The following KCNQ2 variants were observed in gnomAD, a reference collection of about 807,000 sequenced individuals.
KCNQ2 encodes potassium voltage-gated channel subfamily KQT member 2.
In KCNQ2, 14 loss-of-function variants were observed where a neutral mutation model predicts 84.8. The ratio of observed to expected loss-of-function variants is 0.17; its 90% CI spans 0.11 to 0.26. The LOEUF (loss-of-function observed/expected upper bound fraction) is 0.26, where lower values mean the gene tolerates loss of function less well. Ranked by LOEUF, KCNQ2 falls within the 10% of genes least tolerant of loss-of-function variation. The pLI is 1.00. For missense variants in KCNQ2, 788 were observed against 1,254.0 expected (o/e 0.63, Z 5.61); for synonymous variants, 599 against 554.1 (o/e 1.08, Z -1.14).
rs2080617154 is a variant in KCNQ2 at position 63,425,944 on chromosome 20, C to T, written c.1218-1738G>A. On this transcript the variant is annotated intron_variant, in intron 10 of 16. Transcript: ENST00000359125. The surrounding 1 kb of genome is among the most constrained non-coding windows in gnomAD (Gnocchi z 5.5). ...CAAAAAGGGAGAATGACAGAGGGGC[C>T]GCCGGCCACCACGTTTCCAATCCGG... Among the ~76,000 whole-genome samples the T allele has an allele frequency of 6.6e-6, 1 of 152,178 alleles. No individual in the cohort carries two copies. Among genetic ancestry groups the T allele is most frequent in the African/African-American group, 2.4e-5 (1 of 41,434 alleles).
chr20:63,431,324 T>C lies in KCNQ2; in HGVS notation c.1148+16A>G, dbSNP rs1161504935. The C allele has an allele frequency of 1.9e-6, 3 of 1,613,232 alleles. No homozygotes were observed. Among genetic ancestry groups the C allele is most frequent in the Non-Finnish European group, 2.5e-6 (3 of 1,179,738 alleles). ...ACCACACACACACACAGGGCTTCTG[T>C]CCATGCATTTCCTACCTGGAGGCCC... On this transcript the variant is annotated intron_variant, in intron 9 of 16. Coordinates refer to ENST00000359125, the MANE Select transcript of KCNQ2 (RefSeq NM_172107.4).
At position 63,414,847 on chromosome 20, in the gene KCNQ2, G is replaced by GC; in HGVS notation, c.1525+55dup. The GC allele has an allele frequency of 6.4e-7, 1 of 1,561,736 alleles. No homozygotes were observed. Among genetic ancestry groups the GC allele is most frequent in the African/African-American group, 1.4e-5 (1 of 73,910 alleles). On this transcript the variant is annotated intron_variant, in intron 13 of 16. Coordinates refer to ENST00000359125, the MANE Select transcript of KCNQ2 (RefSeq NM_172107.4). This position sits in a 1 kb window ranked among gnomAD's most constrained non-coding sequence, Gnocchi z 6.6. Reference sequence around the variant, plus strand: ...GCCACAGGGTGGCCACAGTAGCGTGGCCACCACATCCATCCCCGGAGAGGA... The same window carrying GC: ...GCCACAGGGTGGCCACAGTAGCGTGGCCCACCACATCCATCCCCGGAGAGGA...
rs747877396 is a variant in KCNQ2, at chr20:63,408,246, G to A, written c.1887+167C>T. 2.3e-5 allele frequency: 20 copies of A among 865,184 alleles called. No homozygotes were observed. Among genetic ancestry groups the A allele is most frequent in the Non-Finnish European group, 2.0e-5 (11 of 563,020 alleles). 53.6% of individuals were successfully genotyped at this position (865,184 alleles called of 1,614,324 possible). On this transcript the variant is annotated intron_variant, in intron 16 of 16. Coordinates refer to ENST00000359125, the MANE Select transcript of KCNQ2 (RefSeq NM_172107.4). The surrounding 1 kb of genome is among the most constrained non-coding windows in gnomAD (Gnocchi z 5.0). ...CCGGGGGTGGGAGGCTCACGGTGGG[G>A]TGTGAGGGGTCTGCACAGAGCAGCT...
intron 12 of KCNQ2, among the ~76,000 whole-genome samples, chr20:63,418,831 G>A (rs981690654): frequency 5.9e-5 from 9 of 151,730 alleles, no homozygotes; most frequent in East Asian, 1.9e-4. Flanking sequence ...AGCAGGGTCC[G>A]AAGCATGCAC....
chr20:63,436,345 C>T (rs1052948857), intron 7 of KCNQ2, among the ~76,000 whole-genome samples: 1 of 152,174 alleles, frequency 6.6e-6, no homozygotes, highest in African/African-American at 2.4e-5. Flanking sequence ...TCCTGGCTAA[C>T]ACGGTGAAAC....
Position 63,413,574 on chromosome 20 carries a change from G to T in KCNQ2, c.1639C>A (p.Arg547=). ...KVSIRAVCVM[R]FLVSKRKFKE... ...AACTTCCGCTTGGACACCAGGAACC[G>T]CATGACACTGCAGGGGGGTGGGTGG... Residue 547 remains arginine, a synonymous_variant, in exon 15 of 17, where the codon CGG becomes AGG. Transcript: ENST00000359125. 3.1e-6 allele frequency: 5 copies of T among 1,611,410 alleles called. No individual in the cohort carries two copies. Among genetic ancestry groups the T allele is most frequent in the Non-Finnish European group, 4.2e-6 (5 of 1,178,648 alleles).
intron 1 of KCNQ2, among the ~76,000 whole-genome samples, chr20:63,455,072 AGAG>A (rs1250252486): frequency 6.6e-6 from 1 of 152,188 alleles, no homozygotes; most frequent in African/African-American, 2.4e-5. Flanking sequence ...AAAAGAAAGA[AGAG>A]ACTTCCTACG....
chr20:63,428,324 G>T, intron 10 of KCNQ2, 43 bp downstream of exon 10: 1 of 1,471,786 alleles, frequency 6.8e-7, no homozygotes, highest in South Asian at 1.2e-5. Flanking sequence ...CCCCCAGGAG[G>T]ACTGAGACGC....
chr20:63,443,253 CCATCGCCACCAT>C (rs1342625692), intron 4 of KCNQ2, among the ~76,000 whole-genome samples: 14 of 54,996 alleles, frequency 2.5e-4, no homozygotes, highest in African/African-American at 5.4e-4. Flanking sequence ...CATCACATCA[CCATCGCCACCAT>C]CATCACCACC....
At chr20:63,451,102 C>T (rs533847427) in intron 1 of KCNQ2, among the ~76,000 whole-genome samples, 1 of 149,632 alleles carries the variant, frequency 6.7e-6, no homozygotes, top group East Asian at 2.0e-4. Flanking sequence ...CATGCCACTG[C>T]ACTCCAGCCT....
intron 15 of KCNQ2, chr20:63,411,781 G>A: frequency 1.6e-6 from 1 of 615,186 alleles, no homozygotes; most frequent in Non-Finnish European, 2.9e-6. Context: ...TAACCTAGGT[G>A]AGTACTGGGG....
chr20:63,427,382 G>A (rs563557841), intron 10 of KCNQ2, among the ~76,000 whole-genome samples: 1 of 152,328 alleles, frequency 6.6e-6, no homozygotes, highest in South Asian at 2.1e-4. Context: ...TGTCACACCC[G>A]CGCTTGTAGG....
Position 63,407,466 on chromosome 20 carries a change from C to T in KCNQ2, c.1888-91G>A, listed in dbSNP as rs1301349223. The T allele has an allele frequency of 9.8e-6, 14 of 1,431,538 alleles. No individual in the cohort carries two copies. Among genetic ancestry groups the T allele is most frequent in the Non-Finnish European group, 1.3e-5 (14 of 1,051,906 alleles). 88.7% of individuals were successfully genotyped at this position (1,431,538 alleles called of 1,614,324 possible). ...CTCCCAGGAAATGGGGGGGCCCAGGCTGGTTCCAGGAAACAGGAGAGACCC... is the reference window on the plus strand; with the variant it reads ...CTCCCAGGAAATGGGGGGGCCCAGGTTGGTTCCAGGAAACAGGAGAGACCC... On this transcript the variant is annotated intron_variant, in intron 16 of 16. Transcript: ENST00000359125. This position sits in a 1 kb window ranked among gnomAD's most constrained non-coding sequence, Gnocchi z 7.2.
chr20:63,472,098 G>T, intron 1 of KCNQ2, 70 bp downstream of exon 1: 1 of 1,180,836 alleles, frequency 8.5e-7, no homozygotes, highest in Non-Finnish European at 1.1e-6. Flanking sequence ...CAGCCTGGCC[G>T]GGGTCGCCGA....
intron 11 of KCNQ2, among the ~76,000 whole-genome samples, chr20:63,421,890 G>A (rs1190098360): frequency 7.9e-5 from 12 of 152,178 alleles, no homozygotes; most frequent in Admixed American, 3.3e-4. Flanking sequence ...CGACCCCAAC[G>A]TAGACGCTTC....
intron 7 of KCNQ2, among the ~76,000 whole-genome samples, chr20:63,437,183 C>A (rs1043276102): frequency 6.6e-6 from 1 of 152,198 alleles, no homozygotes; most frequent in Non-Finnish European, 1.5e-5. Context: ...TGCAGGTCCT[C>A]TGAGGTGCGC....
At chr20:63,442,337 G>C in intron 5 of KCNQ2, 69 bp downstream of exon 5, 3 of 1,609,830 alleles carry the variant, frequency 1.9e-6, no homozygotes, top group Admixed American at 1.7e-5. Flanking sequence ...GCCAGTGAGA[G>C]CCTGGTCCCA....
At chr20:63,451,187 C>G (rs1479603799) in intron 1 of KCNQ2, among the ~76,000 whole-genome samples, 1 of 151,760 alleles carries the variant, frequency 6.6e-6, no homozygotes, top group Non-Finnish European at 1.5e-5. Context: ...AGACCAAGTC[C>G]AACCAGATAA....
intron 12 of KCNQ2, among the ~76,000 whole-genome samples, 181 bp from the exon 13 acceptor site, chr20:63,415,307 C>T (rs947656376): frequency 5.9e-5 from 7 of 119,264 alleles, no homozygotes; most frequent in Admixed American, 1.7e-4. Context: ...GAGCACCCGG[C>T]GGGAGGGAGG....
Sources: gnomAD v4.1 joint callset for allele counts (sites outside exome capture counted in the v4.1 genomes callset) on GRCh38, gnomAD v4.1.1 for gene constraint, Gnocchi (gnomAD v3.1) non-coding constraint, MANE v1.5 for transcripts, NCBI Gene and HGNC (gene_info 2026-07-23, HGNC 2026-07-21) for gene names.